MRPS27: variants seen among roughly 807,000 people sequenced by gnomAD.
The protein encoded by MRPS27 is small ribosomal subunit protein mS27.
Under a neutral mutation model 48.9 loss-of-function variants are expected in MRPS27, and 43 were observed. The ratio of observed to expected loss-of-function variants is 0.88; its 90% CI spans 0.69 to 1.13. MRPS27 has a LOEUF of 1.13. MRPS27 is among the 50% of genes most tolerant of loss of function. The pLI is 0.00. For missense variants in MRPS27, 467 were observed against 476.3 expected (o/e 0.98, Z 0.18); for synonymous variants, 188 against 171.9 (o/e 1.09, Z -0.73).
chr5:72,299,574 G>C (rs1750077538), intron 2 of MRPS27, among the ~76,000 whole-genome samples: 1 of 152,200 alleles, frequency 6.6e-6, no homozygotes, highest in African/African-American at 2.4e-5. Context: ...TTTATCAAGT[G>C]ACTTTTATAC....
In MRPS27 at chr5:72,221,112, C is replaced by G. The variant is rs1175561410; in HGVS notation, c.1042G>C (p.Glu348Gln). The change falls in exon 11 of 11, where the codon GAG becomes CAG. Residue 348 changes from glutamate (E) to glutamine (Q), a missense_variant. Coordinates refer to ENST00000261413, the MANE Select transcript of MRPS27 (RefSeq NM_015084.3). ...HSKLQALGKI[E>Q]SEGLLSLTTQ... ...GTCAGACTTAAAAGACCTTCTGACT[C>G]AATTTTGCCCAGAGCTTGAAGCTTA... is the stretch of plus-strand genomic sequence containing the variant. The G allele has an allele frequency of 6.2e-7, 1 of 1,613,946 alleles. No homozygotes were observed. Among genetic ancestry groups the G allele is most frequent in the East Asian group, 2.2e-5 (1 of 44,882 alleles).
At chr5:72,303,007 A>C (rs138403210) in intron 2 of MRPS27, among the ~76,000 whole-genome samples, 1,992 of 152,342 alleles carry the variant, frequency 0.013, 13 homozygotes, top group Non-Finnish European at 0.02. Context: ...AAATATACCA[A>C]GCTGAGAATT....
chr5:72,288,585 C>A (rs901064290), intron 4 of MRPS27, among the ~76,000 whole-genome samples: 1 of 152,326 alleles, frequency 6.6e-6, no homozygotes, highest in South Asian at 2.1e-4. Context: ...GACCAACGAT[C>A]TGCTATTTTC....
At chr5:72,265,539 T>G (rs954832785) in intron 4 of MRPS27, among the ~76,000 whole-genome samples, 2 of 152,204 alleles carry the variant, frequency 1.3e-5, no homozygotes, top group African/African-American at 4.8e-5. Context: ...TGGAATCAAA[T>G]TATATAAACA....
At chr5:72,310,189 T>G (rs1750406954) in intron 2 of MRPS27, among the ~76,000 whole-genome samples, 1 of 152,244 alleles carries the variant, frequency 6.6e-6, no homozygotes. Flanking sequence ...GCATTCATTT[T>G]TTTTCCAGAA....
chr5:72,315,437 G>A (rs1187176961), intron 1 of MRPS27, among the ~76,000 whole-genome samples: 1 of 151,744 alleles, frequency 6.6e-6, no homozygotes, highest in African/African-American at 2.4e-5. Flanking sequence ...TGCACCTGTA[G>A]TCCCAACTAC....
At chr5:72,278,150 T>C (rs1445666123) in intron 4 of MRPS27, among the ~76,000 whole-genome samples, 2 of 152,022 alleles carry the variant, frequency 1.3e-5, no homozygotes, top group African/African-American at 4.8e-5. Flanking sequence ...CTTCATCAAA[T>C]TTTAAAATCT....
At chr5:72,295,259 C>G (rs73127297) in intron 4 of MRPS27, 1 of 253,802 alleles carries the variant, frequency 3.9e-6, no homozygotes, top group Non-Finnish European at 7.4e-6. Flanking sequence ...AAATTACATA[C>G]GTACAAGGTT....
At chr5:72,272,526 G>C (rs927342841) in intron 4 of MRPS27, among the ~76,000 whole-genome samples, 1 of 152,194 alleles carries the variant, frequency 6.6e-6, no homozygotes, top group East Asian at 1.9e-4. Context: ...CATTTCATGT[G>C]TGTTGTCACA....
intron 4 of MRPS27, among the ~76,000 whole-genome samples, chr5:72,271,322 T>C (rs1251407086): frequency 6.6e-6 from 1 of 152,216 alleles, no homozygotes; most frequent in Non-Finnish European, 1.5e-5. Context: ...ATCAACTCTC[T>C]AGCAGCAAGC....
intron 8 of MRPS27, chr5:72,228,005 C>T: frequency 2.1e-6 from 1 of 482,188 alleles, no homozygotes; most frequent in Non-Finnish European, 3.6e-6. Flanking sequence ...ATCCCTTCTT[C>T]AGACTGATTA....
At chr5:72,314,029 G>T in intron 2 of MRPS27, 52 bp downstream of exon 2, 3 of 1,230,482 alleles carry the variant, frequency 2.4e-6, no homozygotes, top group South Asian at 1.3e-5. Flanking sequence ...AATGATGGAA[G>T]ACATACAGAG....
intron 4 of MRPS27, among the ~76,000 whole-genome samples, chr5:72,252,201 G>A (rs2111984759): frequency 6.6e-6 from 1 of 152,294 alleles, no homozygotes; most frequent in South Asian, 2.1e-4. Context: ...CACAGCTTTT[G>A]ATTATCTCAA....
intron 1 of MRPS27, among the ~76,000 whole-genome samples, chr5:72,315,276 TG>T (rs1335553673): frequency 6.6e-6 from 1 of 151,768 alleles, no homozygotes; most frequent in Non-Finnish European, 1.5e-5. Context: ...AAATGAATGA[TG>T]GGTAAAGGAT....
intron 1 of MRPS27, among the ~76,000 whole-genome samples, chr5:72,319,397 C>T (rs1342784471): frequency 6.6e-6 from 1 of 152,120 alleles, no homozygotes; most frequent in African/African-American, 2.4e-5. Context: ...GAGATTAATA[C>T]TGAAAAATTC....
At position 72,228,143 on chromosome 5, in the gene MRPS27, A is replaced by C. The variant is rs1394948437; in HGVS notation, c.694+123T>G. 25 of 858,864 alleles carry C rather than the reference A, an allele frequency of 2.9e-5. No individual in the cohort carries two copies. In the East Asian group the frequency reaches 6.0e-4, roughly 21 times the overall value. The allele number at this position is 858,864 out of a possible 1,614,324, so 53.2% of individuals were successfully genotyped here. On this transcript the variant is annotated intron_variant, in intron 8 of 10. Transcript: ENST00000261413. ...GCCATCAAGGTCTATTTTTATGTCT[A>C]AAAACGAAGGCTAATTGGATTTCAC...
intron 4 of MRPS27, among the ~76,000 whole-genome samples, chr5:72,239,949 A>G (rs1748306272): frequency 6.6e-6 from 1 of 152,240 alleles, no homozygotes; most frequent in South Asian, 2.1e-4. Flanking sequence ...GAGATTTAAC[A>G]TGAAATGACC....
At chr5:72,298,725 A>C (rs1157027601) in intron 2 of MRPS27, among the ~76,000 whole-genome samples, 5 of 125,492 alleles carry the variant, frequency 4.0e-5, no homozygotes, top group South Asian at 2.5e-4. Context: ...AAAAAAAAAC[A>C]AAAAAAAAAA....
intron 4 of MRPS27, among the ~76,000 whole-genome samples, chr5:72,243,260 C>T (rs767035398): frequency 2.1e-4 from 32 of 152,212 alleles, no homozygotes; most frequent in Non-Finnish European, 4.6e-4. Flanking sequence ...CTTCCTTGAA[C>T]TAGAACCAAA....
Sources: allele counts gnomAD v4.1 joint callset (sites outside exome capture counted in the v4.1 genomes callset), GRCh38; gene constraint gnomAD v4.1.1; transcripts MANE v1.5; gene names NCBI Gene and HGNC (gene_info 2026-07-23, HGNC 2026-07-21).